The following CSMD3 variants were observed in gnomAD, a reference collection of about 807,000 sequenced individuals.
CSMD3 encodes the protein CUB and Sushi multiple domains 3, also known as CUB and sushi domain-containing protein 3.
In CSMD3, 177 loss-of-function variants were observed where a neutral mutation model predicts 435.2. The observed-to-expected ratio is 0.41, with a 90% confidence interval of 0.36 to 0.46. The LOEUF is 0.46. Ranked by LOEUF, CSMD3 falls within the 20% of genes least tolerant of loss-of-function variation. The probability of loss-of-function intolerance (pLI) is 0.34; values close to 1 mark genes in which losing one functional copy is unlikely to be tolerated. For missense variants in CSMD3, 4,265 were observed against 4,504.6 expected, an observed-to-expected ratio of 0.95 and a Z score of 1.52; for synonymous variants, 1,656 against 1,520.5, an observed-to-expected ratio of 1.09 and a Z score of -2.07.
chr8:113,390,214 C>A (rs1251664746), intron 1 of CSMD3, among the ~76,000 whole-genome samples: 2 of 151,712 alleles, frequency 1.3e-5, no homozygotes, highest in African/African-American at 2.4e-5. Flanking sequence ...GTTCCCTGGG[C>A]TTATTTATTT....
chr8:112,707,488 G>T (rs535954672), intron 13 of CSMD3, among the ~76,000 whole-genome samples: 40 of 150,566 alleles, frequency 2.7e-4, no homozygotes, highest in African/African-American at 3.7e-4. Flanking sequence ...TGCGGCGGGA[G>T]GGGGGTGGTT....
At chr8:113,415,835 G>A (rs1004647646) in intron 1 of CSMD3, among the ~76,000 whole-genome samples, 5 of 152,006 alleles carry the variant, frequency 3.3e-5, no homozygotes, top group Admixed American at 6.6e-5. Flanking sequence ...AATATGTAGT[G>A]AGAATATTAA....
intron 6 of CSMD3, chr8:113,018,718 A>G (rs9297481): frequency 0.58 from 141,918 of 243,652 alleles, 44,130 homozygotes; most frequent in East Asian, 0.95. Flanking sequence ...TTCGATTGAG[A>G]AAGAGCGTAC....
intron 5 of CSMD3, among the ~76,000 whole-genome samples, chr8:113,066,658 A>G (rs1275787909): frequency 6.6e-6 from 1 of 152,102 alleles, no homozygotes; most frequent in South Asian, 2.1e-4. Context: ...AGCTTCTCAA[A>G]TATCAATCAT....
chr8:112,845,407 T>C (rs2132549901), intron 11 of CSMD3, among the ~76,000 whole-genome samples: 1 of 152,154 alleles, frequency 6.6e-6, no homozygotes, highest in South Asian at 2.1e-4. Flanking sequence ...AAAGATTACC[T>C]GAGTCCTAGA....
At chr8:112,971,951 C>A (rs2084673123) in intron 7 of CSMD3, among the ~76,000 whole-genome samples, 1 of 151,840 alleles carries the variant, frequency 6.6e-6, no homozygotes, top group South Asian at 2.1e-4. Context: ...TTGAAAATAT[C>A]TTTGAGAAAT....
chr8:112,545,501 A>AAATAAT (rs1157955064), intron 27 of CSMD3, among the ~76,000 whole-genome samples: 6 of 122,680 alleles, frequency 4.9e-5, no homozygotes, highest in Admixed American at 9.0e-5. Context: ...AAAAAAAAAA[A>AAATAAT]AATAATAATA....
At chr8:113,290,764 T>C (rs2093680871) in intron 2 of CSMD3, among the ~76,000 whole-genome samples, 1 of 151,622 alleles carries the variant, frequency 6.6e-6, no homozygotes, top group Non-Finnish European at 1.5e-5. Context: ...TAATTTAGTG[T>C]TTTCAAATGA....
chr8:113,104,329 A>G (rs2090415642), intron 4 of CSMD3, among the ~76,000 whole-genome samples: 1 of 152,124 alleles, frequency 6.6e-6, no homozygotes, highest in Admixed American at 6.6e-5. Context: ...TCAGCACTCA[A>G]GTGAAACTGA....
intron 4 of CSMD3, among the ~76,000 whole-genome samples, chr8:113,107,137 A>G (rs1245388075): frequency 6.6e-6 from 1 of 152,184 alleles, no homozygotes; most frequent in Non-Finnish European, 1.5e-5. Context: ...TATGCCATTA[A>G]AAGGCACTAC....
chr8:112,571,964 G>A (rs1381132009), intron 24 of CSMD3, among the ~76,000 whole-genome samples: 1 of 151,302 alleles, frequency 6.6e-6, no homozygotes, highest in Non-Finnish European at 1.5e-5. Flanking sequence ...ATTGTGTCAT[G>A]CATTTCAATA....
At chr8:112,784,366 TTAA>T (rs2078481782) in intron 13 of CSMD3, among the ~76,000 whole-genome samples, 1 of 151,624 alleles carries the variant, frequency 6.6e-6, no homozygotes, top group South Asian at 2.1e-4. Flanking sequence ...ATGATAAATC[TTAA>T]TAACTAGAAA....
Position 112,879,914 on chromosome 8 carries a change from C to T in CSMD3, c.1634-20648G>A, listed in dbSNP as rs2130183803. 1.3e-5 allele frequency among the ~76,000 whole-genome samples: 2 copies of T among 151,888 alleles called. 1 individual carries two copies. The highest frequency in any genetic ancestry group is 4.2e-4 in the South Asian group (2 of 4,808). Reference sequence around the variant, plus strand: ...GAAGGGGAACATCACACACCTGGGCCTGTTGGGGGGTGGAGGGTTAGGGGA... The same window carrying T: ...GAAGGGGAACATCACACACCTGGGCTTGTTGGGGGGTGGAGGGTTAGGGGA... On this transcript the variant is annotated intron_variant, in intron 10 of 70. Coordinates refer to ENST00000297405, the MANE Select transcript of CSMD3 (RefSeq NM_198123.2).
intron 32 of CSMD3, among the ~76,000 whole-genome samples, chr8:112,449,250 T>A (rs1243578024): frequency 6.6e-6 from 1 of 152,142 alleles, no homozygotes; most frequent in Non-Finnish European, 1.5e-5. Flanking sequence ...TTTGAGGTAA[T>A]TCATGAGAAA....
chr8:112,891,843 A>C (rs1022720263), intron 10 of CSMD3, among the ~76,000 whole-genome samples: 4 of 151,644 alleles, frequency 2.6e-5, no homozygotes, highest in East Asian at 3.9e-4. Flanking sequence ...ATCTGACCCC[A>C]GTCTGTTCTC....
intron 2 of CSMD3, among the ~76,000 whole-genome samples, chr8:113,292,778 T>A (rs1368105775): frequency 6.6e-6 from 1 of 151,720 alleles, no homozygotes; most frequent in Non-Finnish European, 1.5e-5. Flanking sequence ...TAATTGAGGA[T>A]TTGCCATTAT....
In CSMD3 at chr8:112,488,583, CAG is replaced by C. The variant is rs1429917710; in HGVS notation, c.5278+3904_5278+3905del. 2.6e-5 allele frequency among the ~76,000 whole-genome samples: 4 copies of C among 152,286 alleles called. No homozygotes were observed. The East Asian group carries it at 7.7e-4, about 29-fold the overall frequency. Reference sequence around the variant, plus strand: ...GCCTACCAGTCAGTCACAGTTTCATCAGAGATTTTAGTCAGGATACCTACTGT... The same window carrying C: ...GCCTACCAGTCAGTCACAGTTTCATCAGATTTTAGTCAGGATACCTACTGT... On this transcript the variant is annotated intron_variant, in intron 31 of 70. Transcript: ENST00000297405.
At chr8:112,948,758 A>T (rs1417578076) in intron 8 of CSMD3, among the ~76,000 whole-genome samples, 1 of 151,996 alleles carries the variant, frequency 6.6e-6, no homozygotes, top group Non-Finnish European at 1.5e-5. Flanking sequence ...GAGAGAAAAA[A>T]AATCTAAACC....
chr8:112,324,623 C>A (rs1244928413), intron 45 of CSMD3, among the ~76,000 whole-genome samples: 1 of 150,654 alleles, frequency 6.6e-6, no homozygotes, highest in Non-Finnish European at 1.5e-5. Flanking sequence ...TGAATGATAG[C>A]CCTAGTGAGA....
Sources: allele counts gnomAD v4.1 joint callset (sites outside exome capture counted in the v4.1 genomes callset), GRCh38; gene constraint gnomAD v4.1.1; transcripts MANE v1.5; gene names NCBI Gene and HGNC (gene_info 2026-07-23, HGNC 2026-07-21).